FGF14: variants seen among roughly 807,000 people sequenced by gnomAD.
FGF14 encodes the protein fibroblast growth factor homologous factor 4.
FGF14 carries 5 observed loss-of-function variants against 25.5 expected under a neutral mutation model. That is an observed-to-expected ratio of 0.20 (90% CI 0.10 to 0.41). FGF14 has a LOEUF of 0.41. FGF14 is among the 10% of genes least tolerant of loss of function. The pLI is 1.00. For synonymous variants in FGF14, 138 were observed against 118.3 expected (o/e 1.17, Z -1.08); for missense variants, 222 against 320.1 (o/e 0.69, Z 2.34).
At chr13:101,982,817 G>C (rs976125124) in intron 1 of FGF14, among the ~76,000 whole-genome samples, 5 of 152,120 alleles carry the variant, frequency 3.3e-5, no homozygotes, top group African/African-American at 1.2e-4. Context: ...TAAATATGAA[G>C]AAAGCTCTAA....
intron 3 of FGF14, among the ~76,000 whole-genome samples, chr13:101,828,460 AAAAAT>A (rs1400201776): frequency 3.3e-5 from 5 of 149,966 alleles, no homozygotes; most frequent in Admixed American, 2.0e-4. Context: ...CAAATACTTT[AAAAAT>A]AAAAGACTTT....
chr13:102,081,278 A>G (rs1179571233), intron 1 of FGF14, among the ~76,000 whole-genome samples: 1 of 152,216 alleles, frequency 6.6e-6, no homozygotes, highest in East Asian at 1.9e-4. Context: ...CTTTGGGCAC[A>G]AATCCCTTGA....
intron 3 of FGF14, among the ~76,000 whole-genome samples, chr13:101,759,006 C>T (rs1370756273): frequency 6.6e-6 from 1 of 152,140 alleles, no homozygotes; most frequent in Non-Finnish European, 1.5e-5. Flanking sequence ...AATTTCCAAC[C>T]AAATCTTGGT....
chr13:101,825,507 G>T (rs552723105), intron 3 of FGF14, among the ~76,000 whole-genome samples: 9 of 152,158 alleles, frequency 5.9e-5, no homozygotes, highest in Non-Finnish European at 1.2e-4. Context: ...AATCTTTGCC[G>T]ATTATTAAGA....
chr13:101,743,568 T>C (rs557076239), intron 3 of FGF14, among the ~76,000 whole-genome samples: 19 of 152,188 alleles, frequency 1.2e-4, no homozygotes, highest in African/African-American at 4.6e-4. Context: ...GAAGAACTGA[T>C]AAAGAAGGCA....
upstream of FGF14, among the ~76,000 whole-genome samples, chr13:101,919,011 C>T (rs572099746): frequency 2.0e-5 from 3 of 152,070 alleles, no homozygotes; most frequent in African/African-American, 7.2e-5. Context: ...GCCTTTCCCT[C>T]TCTATTTTCA....
At chr13:102,098,295 G>A (rs1390138400) in intron 1 of FGF14, among the ~76,000 whole-genome samples, 1 of 152,164 alleles carries the variant, frequency 6.6e-6, no homozygotes, top group African/African-American at 2.4e-5. Context: ...CGTGTCCCTA[G>A]ATATTTATAA....
intron 3 of FGF14, among the ~76,000 whole-genome samples, chr13:101,795,334 T>G (rs1057223817): frequency 6.6e-6 from 1 of 152,252 alleles, no homozygotes; most frequent in East Asian, 1.9e-4. Flanking sequence ...CTTTTAGGAC[T>G]GCATATAAGA....
At chr13:102,076,501 C>T (rs188295151) in intron 1 of FGF14, among the ~76,000 whole-genome samples, 112 of 152,140 alleles carry the variant, frequency 7.4e-4, no homozygotes, top group Non-Finnish European at 1.1e-3. Context: ...TGTAATGACA[C>T]ATTTCTCAGA....
chr13:101,884,601 CAATGA>C (rs912425611), intron 1 of FGF14, among the ~76,000 whole-genome samples: 8 of 151,930 alleles, frequency 5.3e-5, no homozygotes, highest in African/African-American at 1.9e-4. Context: ...TCCAAAAGGA[CAATGA>C]AATGTCCAAT....
chr13:101,725,574 T>C (rs931501384), intron 4 of FGF14, among the ~76,000 whole-genome samples: 1 of 152,086 alleles, frequency 6.6e-6, no homozygotes, highest in African/African-American at 2.4e-5. Context: ...TGATGAAGAA[T>C]TGACTGTTCA....
Position 101,879,142 on chromosome 13 carries a change from C to T in FGF14, c.194-3846G>A, listed in dbSNP as rs1032317889. ...TCTGAAACATTCGTGTTCAGAATAC[C>T]TACTCTGCTTAAGAAAATATAAAAA... On this transcript the variant is annotated intron_variant, in intron 1 of 4. Transcript: ENST00000376143. Among the ~76,000 whole-genome samples the T allele has an allele frequency of 7.9e-5, 12 of 152,058 alleles. No homozygotes were observed. In the East Asian group the frequency reaches 2.3e-3, roughly 29 times the overall value.
intron 1 of FGF14, among the ~76,000 whole-genome samples, chr13:102,373,833 T>C (rs1160556043): frequency 1.3e-5 from 2 of 152,168 alleles, no homozygotes; most frequent in Non-Finnish European, 2.9e-5. Context: ...ACAACAGCTC[T>C]CTACCTTGAA....
At chr13:102,173,449 C>G (rs943436801) in intron 1 of FGF14, among the ~76,000 whole-genome samples, 3 of 152,114 alleles carry the variant, frequency 2.0e-5, no homozygotes, top group African/African-American at 7.2e-5. Context: ...AATAGAACTG[C>G]CATGGGATTG....
chr13:102,142,939 A>C (rs1375779672), intron 1 of FGF14, among the ~76,000 whole-genome samples: 1 of 152,180 alleles, frequency 6.6e-6, no homozygotes, highest in Admixed American at 6.6e-5. Flanking sequence ...AAAATGCTCT[A>C]CTAAAATCTA....
At chr13:101,998,550 T>G (rs938142913) in intron 1 of FGF14, among the ~76,000 whole-genome samples, 2 of 151,786 alleles carry the variant, frequency 1.3e-5, no homozygotes, top group South Asian at 4.1e-4. Flanking sequence ...AATCAGTTCT[T>G]GAAAGATTGT....
chr13:102,160,141 A>C (rs1180753027), intron 1 of FGF14, among the ~76,000 whole-genome samples: 1 of 152,206 alleles, frequency 6.6e-6, no homozygotes, highest in East Asian at 1.9e-4. Context: ...GGAAGGAAAT[A>C]AGGGTACGTT....
intron 1 of FGF14, among the ~76,000 whole-genome samples, chr13:102,304,421 T>C (rs974321308): frequency 2.6e-5 from 4 of 152,158 alleles, no homozygotes; most frequent in Admixed American, 6.6e-5. Flanking sequence ...ACACGGGTTC[T>C]CTATTCAACC....
Position 101,717,239 on chromosome 13 carries a change from G to A in FGF14, c.*5592C>T, listed in dbSNP as rs934145267. 8 of 152,002 alleles carry A rather than the reference G, an allele frequency of 5.3e-5. No homozygotes were observed. Among genetic ancestry groups the A allele is most frequent in the Non-Finnish European group, 1.0e-4 (7 of 67,988 alleles). 9.4% of individuals were successfully genotyped at this position (152,002 alleles called of 1,614,324 possible). Reference sequence around the variant, plus strand: ...AATTTAATATTGAAAATTATTTTAAGAGAACATTTAACTGATCCTGATTTT... The same window carrying A: ...AATTTAATATTGAAAATTATTTTAAAAGAACATTTAACTGATCCTGATTTT... On this transcript the variant is annotated 3_prime_UTR_variant, in exon 5 of 5. Coordinates refer to ENST00000376143, the MANE Select transcript of FGF14 (RefSeq NM_004115.4).
Sources: gnomAD v4.1 joint callset for allele counts (sites outside exome capture counted in the v4.1 genomes callset) on GRCh38, gnomAD v4.1.1 for gene constraint, MANE v1.5 for transcripts, NCBI Gene and HGNC (gene_info 2026-07-23, HGNC 2026-07-21) for gene names.